The following ZMPSTE24 variants were observed in gnomAD, a reference collection of about 807,000 sequenced individuals.
The protein encoded by ZMPSTE24 is CAAX prenyl protease 1 homolog.
Under a neutral mutation model 56.7 loss-of-function variants are expected in ZMPSTE24, and 48 were observed. The ratio of observed to expected loss-of-function variants is 0.85; its 90% CI spans 0.67 to 1.08. ZMPSTE24 has a LOEUF of 1.08. Ranked by LOEUF, ZMPSTE24 falls within the 50% of genes least tolerant of loss-of-function variation. The pLI is 0.00. For synonymous variants in ZMPSTE24, 172 were observed against 195.2 expected (o/e 0.88, Z 0.99); for missense variants, 503 against 548.7 (o/e 0.92, Z 0.83).
chr1:40,278,308 T>C, intron 6 of ZMPSTE24, among the ~76,000 whole-genome samples: 1 of 151,978 alleles, frequency 6.6e-6, no homozygotes, highest in Non-Finnish European at 1.5e-5. Context: ...TCAGACAGCA[T>C]ATTATTGCTT....
chr1:40,273,836 T>C (rs1318341415), intron 6 of ZMPSTE24, among the ~76,000 whole-genome samples: 1 of 151,744 alleles, frequency 6.6e-6, no homozygotes, highest in African/African-American at 2.4e-5. Context: ...CGTGAAATAA[T>C]AGTTAATGCT....
intron 3 of ZMPSTE24, 140 bp downstream of exon 3, chr1:40,268,012 T>A (rs1434016686): frequency 2.7e-6 from 2 of 742,050 alleles, no homozygotes; most frequent in African/African-American, 1.7e-5. Flanking sequence ...CATGCTGTAT[T>A]GGCATAACAT....
intron 8 of ZMPSTE24, 124 bp downstream of exon 8, chr1:40,286,153 C>T: frequency 1.2e-6 from 1 of 825,298 alleles, no homozygotes; most frequent in East Asian, 2.7e-5. Context: ...GGTTTCCTAT[C>T]ACAGCTCCCT....
chr1:40,281,581 T>C, intron 7 of ZMPSTE24, 54 bp downstream of exon 7: 1 of 1,557,666 alleles, frequency 6.4e-7, no homozygotes, highest in Admixed American at 1.8e-5. Flanking sequence ...ACAGTTCCTG[T>C]GACAACTCAA....
intron 2 of ZMPSTE24, among the ~76,000 whole-genome samples, chr1:40,265,395 G>A (rs1643538715): frequency 6.6e-6 from 1 of 152,188 alleles, no homozygotes; most frequent in African/African-American, 2.4e-5. Flanking sequence ...AATACCTGGA[G>A]GTAGTGTTAG....
chr1:40,258,961 C>T (rs1193319671), intron 1 of ZMPSTE24, among the ~76,000 whole-genome samples: 1 of 152,084 alleles, frequency 6.6e-6, no homozygotes, highest in Admixed American at 6.6e-5. Context: ...AGTTCGAGAC[C>T]AGCCTGACCA....
Position 40,293,647 on chromosome 1 carries a change from T to C in ZMPSTE24, c.*978T>C, listed in dbSNP as rs1388049412. ...CTTTCAAGGGCAGAAGAGTTTTCAT[T>C]TTTATTTTTGTAATTTTATCTGTAA... On this transcript the variant is annotated 3_prime_UTR_variant, in exon 10 of 10. Transcript: ENST00000372759. 6.6e-6 allele frequency: 1 copy of C among 152,218 alleles called. No homozygotes were observed. Among genetic ancestry groups the C allele is most frequent in the Non-Finnish European group, 1.5e-5 (1 of 68,040 alleles). 9.4% of individuals were successfully genotyped at this position (152,218 alleles called of 1,614,324 possible). A position where few individuals can be genotyped will look rare whatever the true frequency, so the allele number is the denominator to read the frequency against.
chr1:40,284,114 T>C (rs889321424), intron 7 of ZMPSTE24, among the ~76,000 whole-genome samples: 1 of 147,996 alleles, frequency 6.8e-6, no homozygotes, highest in African/African-American at 2.5e-5. Context: ...TTTTTTTTTT[T>C]TTTTTTTTTT....
intron 6 of ZMPSTE24, among the ~76,000 whole-genome samples, chr1:40,275,271 A>AG (rs1238036954): frequency 6.9e-6 from 1 of 144,144 alleles, no homozygotes; most frequent in Non-Finnish European, 1.5e-5. Context: ...AATACAAAAA[A>AG]AAAAAAAAAA....
At chr1:40,284,926 C>T (rs1448893482) in intron 7 of ZMPSTE24, among the ~76,000 whole-genome samples, 1 of 109,876 alleles carries the variant, frequency 9.1e-6, no homozygotes, top group Admixed American at 8.9e-5. Flanking sequence ...AAACATCATC[C>T]CTTTTTTTTT....
chr1:40,279,942 C>G (rs916352128), intron 6 of ZMPSTE24, among the ~76,000 whole-genome samples: 1 of 152,178 alleles, frequency 6.6e-6, no homozygotes, highest in Non-Finnish European at 1.5e-5. Flanking sequence ...ACCCACTGAG[C>G]TGGTCATCGC....
chr1:40,267,144 A>G (rs1643557989), intron 2 of ZMPSTE24, among the ~76,000 whole-genome samples: 1 of 151,746 alleles, frequency 6.6e-6, no homozygotes, highest in Non-Finnish European at 1.5e-5. Flanking sequence ...TTGTTTTAGA[A>G]CAGCTTTATT....
At position 40,285,912 on chromosome 1, in the gene ZMPSTE24, T is replaced by G. The variant is rs1643782370; in HGVS notation, c.955-13T>G. On this transcript the variant is annotated splice_polypyrimidine_tract_variant and intron_variant, in intron 7 of 9. Transcript: ENST00000372759. ...GGTTCTCAATAATTTATTTTTGATTTTTTTTTATTCAGAATAAGAAACAAG... is the reference window on the plus strand; with the variant it reads ...GGTTCTCAATAATTTATTTTTGATTGTTTTTTATTCAGAATAAGAAACAAG... 2 of 1,603,400 alleles carry G rather than the reference T, an allele frequency of 1.2e-6. No homozygotes were observed. The highest frequency in any genetic ancestry group is 2.7e-5 in the African/African-American group (2 of 74,306).
intron 5 of ZMPSTE24, among the ~76,000 whole-genome samples, chr1:40,271,389 T>A (rs1386892558): frequency 1.3e-5 from 2 of 152,190 alleles, no homozygotes; most frequent in Non-Finnish European, 2.9e-5. Context: ...TAAAAATGCT[T>A]AAGGAAGTGC....
intron 5 of ZMPSTE24, 33 bp downstream of exon 5, chr1:40,270,160 A>G: frequency 6.2e-7 from 1 of 1,611,706 alleles, no homozygotes; most frequent in Non-Finnish European, 8.5e-7. Context: ...TTTCTTTTGC[A>G]AAAGTTCCTT....
chr1:40,278,362 T>C (rs1198453277), intron 6 of ZMPSTE24, among the ~76,000 whole-genome samples: 5 of 151,690 alleles, frequency 3.3e-5, no homozygotes, highest in Non-Finnish European at 7.4e-5. Context: ...ATCGAGACCA[T>C]CCTGGCTAAC....
intron 8 of ZMPSTE24, among the ~76,000 whole-genome samples, chr1:40,289,357 AATTCAGTCTG>A (rs1217798166): frequency 6.6e-6 from 1 of 152,232 alleles, no homozygotes; most frequent in Non-Finnish European, 1.5e-5. Context: ...CATGGCCAGG[AATTCAGTCTG>A]TAGTAGGGCC....
intron 2 of ZMPSTE24, among the ~76,000 whole-genome samples, chr1:40,267,500 G>T (rs192827222): frequency 1.3e-5 from 2 of 151,530 alleles, no homozygotes; most frequent in Admixed American, 1.3e-4. Flanking sequence ...AAGTAGCTGG[G>T]TCTACAGGTA....
chr1:40,258,947 CAGG>C (rs1643467972), intron 1 of ZMPSTE24, among the ~76,000 whole-genome samples: 1 of 152,116 alleles, frequency 6.6e-6, no homozygotes, highest in South Asian at 2.1e-4. Flanking sequence ...CACCTGGGGT[CAGG>C]AGTTCGAGAC....
Sources: gnomAD v4.1 joint callset for allele counts (sites outside exome capture counted in the v4.1 genomes callset) on GRCh38, gnomAD v4.1.1 for gene constraint, MANE v1.5 for transcripts, NCBI Gene and HGNC (gene_info 2026-07-23, HGNC 2026-07-21) for gene names.